The following TBL1X variants were observed in gnomAD, a reference collection of about 807,000 sequenced individuals.
TBL1X encodes transducin beta like 1 X-linked, also known as F-box-like/WD repeat-containing protein TBL1X.
In TBL1X, 10 loss-of-function variants were observed where a neutral mutation model predicts 50.7. That is an observed-to-expected ratio of 0.20 (90% CI 0.12 to 0.33). TBL1X has a LOEUF of 0.33. Ranked by LOEUF, TBL1X falls within the 10% of genes least tolerant of loss-of-function variation. The probability of loss-of-function intolerance (pLI) is 1.00; values close to 1 mark genes in which losing one functional copy is unlikely to be tolerated. For synonymous variants in TBL1X, 190 were observed against 214.7 expected (o/e 0.88, Z 1.01); for missense variants, 340 against 504.4 (o/e 0.67, Z 3.12).
chrX:9,640,188 A>C (rs2082767991), intron 2 of TBL1X, 85 bp from the exon 3 acceptor site: 1 of 112,318 alleles, frequency 8.9e-6, no homozygotes, highest in African/African-American at 3.2e-5. Flanking sequence ...AGAAGAAAAA[A>C]CCTAAAGGAA....
intron 2 of TBL1X, among the ~76,000 whole-genome samples, chrX:9,551,033 A>T (rs1164880768): frequency 1.8e-5 from 2 of 110,310 alleles, no homozygotes; most frequent in Non-Finnish European, 3.8e-5. Flanking sequence ...GCCTCGGGGG[A>T]TGTGTAGGAG....
intron 2 of TBL1X, among the ~76,000 whole-genome samples, chrX:9,574,278 CAAAACAAAACCA>C (rs1309167689): frequency 9.3e-6 from 1 of 107,774 alleles, no homozygotes; most frequent in Non-Finnish European, 1.9e-5. Context: ...CTGTCTCCAC[CAAAACAAAACCA>C]AAAACAAAAC....
At chrX:9,526,802 G>T (rs2082134760) in intron 2 of TBL1X, among the ~76,000 whole-genome samples, 1 of 112,199 alleles carries the variant, frequency 8.9e-6, no homozygotes, top group African/African-American at 3.2e-5. Context: ...AGCTTCCCCT[G>T]TGCAGGTCCA....
chrX:9,465,729 G>C (rs1347266022), intron 1 of TBL1X, among the ~76,000 whole-genome samples: 1 of 112,906 alleles, frequency 8.9e-6, no homozygotes. Flanking sequence ...GGGCTCCTTT[G>C]TTTTGGGGAG....
chrX:9,551,297 G>A (rs370332764), intron 2 of TBL1X, among the ~76,000 whole-genome samples: 20 of 109,213 alleles, frequency 1.8e-4, no homozygotes, highest in African/African-American at 6.4e-4. Context: ...GTAGAGTGGA[G>A]GAATGGTGCC....
At chrX:9,518,048 A>G (rs1263230586) in intron 2 of TBL1X, among the ~76,000 whole-genome samples, 1 of 106,431 alleles carries the variant, frequency 9.4e-6, no homozygotes, top group African/African-American at 3.4e-5. Flanking sequence ...GCAGTGAGCC[A>G]TGTTCATGCC....
chrX:9,497,606 A>G (rs1355728757), intron 1 of TBL1X, among the ~76,000 whole-genome samples: 1 of 109,961 alleles, frequency 9.1e-6, no homozygotes, highest in African/African-American at 3.3e-5. Context: ...CTAATCACAG[A>G]TAGTTGGTGG....
chrX:9,645,254 C>T (rs1046299481), intron 3 of TBL1X: 1 of 111,771 alleles, frequency 8.9e-6, no homozygotes, highest in African/African-American at 3.3e-5. Context: ...GCCTCCACAC[C>T]TAGCTAATTT....
intron 2 of TBL1X, among the ~76,000 whole-genome samples, chrX:9,568,135 C>T (rs1292692729): frequency 2.7e-5 from 3 of 112,044 alleles, no homozygotes; most frequent in African/African-American, 6.5e-5. Flanking sequence ...AGTGGTTGGA[C>T]GGTTTCCCCT....
chrX:9,463,693 C>T (rs866303965), upstream of TBL1X, among the ~76,000 whole-genome samples: 1 of 111,683 alleles, frequency 9.0e-6, no homozygotes, highest in South Asian at 3.7e-4. Context: ...GGAGTTCAGA[C>T]CAGTCTGGCC....
At chrX:9,704,561 A>T (rs368801223) in intron 12 of TBL1X, among the ~76,000 whole-genome samples, 1 of 111,550 alleles carries the variant, frequency 9.0e-6, no homozygotes, top group East Asian at 2.8e-4. Flanking sequence ...GACTGTGTTC[A>T]CGCTTGAGAC....
intron 2 of TBL1X, among the ~76,000 whole-genome samples, chrX:9,581,485 G>A (rs939697552): frequency 9.0e-6 from 1 of 111,359 alleles, no homozygotes; most frequent in Non-Finnish European, 1.9e-5. Flanking sequence ...GCACCCCTCC[G>A]CAACTGCCAG....
chrX:9,477,228 A>AT (rs1210417251), intron 1 of TBL1X, among the ~76,000 whole-genome samples: 1 of 111,869 alleles, frequency 8.9e-6, no homozygotes, highest in Admixed American at 9.5e-5. Context: ...CATTAATCCC[A>AT]TTTTTCTGCA....
chrX:9,698,767 C>T (rs1300358578), intron 12 of TBL1X, among the ~76,000 whole-genome samples: 2 of 111,888 alleles, frequency 1.8e-5, no homozygotes, highest in Admixed American at 9.5e-5. Context: ...AGCCAAGGGC[C>T]GGCCTTGCAA....
chrX:9,477,920 A>G (rs955431121), intron 1 of TBL1X, among the ~76,000 whole-genome samples: 3 of 112,051 alleles, frequency 2.7e-5, no homozygotes, highest in Non-Finnish European at 5.6e-5. Context: ...TGTGCTTCCA[A>G]GAATGAGTAT....
intron 2 of TBL1X, among the ~76,000 whole-genome samples, chrX:9,590,354 G>C (rs1396568260): frequency 1.1e-5 from 1 of 93,836 alleles, no homozygotes; most frequent in African/African-American, 3.9e-5. Context: ...ATTATTTCAA[G>C]ATTAAAAGTT....
chrX:9,463,674 C>T (rs190346350), upstream of TBL1X, among the ~76,000 whole-genome samples: 1 of 112,036 alleles, frequency 8.9e-6, no homozygotes, highest in African/African-American at 3.2e-5. Flanking sequence ...GGCGGATTGC[C>T]TGAGGTCAGG....
intron 2 of TBL1X, among the ~76,000 whole-genome samples, chrX:9,567,757 G>A (rs1376106209): frequency 9.0e-6 from 1 of 111,556 alleles, no homozygotes; most frequent in East Asian, 2.8e-4. Flanking sequence ...AAACCTCAGC[G>A]CCCCATCTTG....
intron 1 of TBL1X, among the ~76,000 whole-genome samples, chrX:9,485,867 CT>C (rs2081909415): frequency 8.9e-6 from 1 of 111,997 alleles, no homozygotes; most frequent in Non-Finnish European, 1.9e-5. Context: ...AGCTAGGAAG[CT>C]ACCAGAAGAT....
Sources: allele counts gnomAD v4.1 joint callset (sites outside exome capture counted in the v4.1 genomes callset), GRCh38; gene constraint gnomAD v4.1.1; transcripts MANE v1.5; gene names NCBI Gene and HGNC (gene_info 2026-07-23, HGNC 2026-07-21).